The following ANK3 variants were observed in gnomAD, a reference collection of about 807,000 sequenced individuals.
ANK3 encodes the protein ankyrin 3.
ANK3 carries 57 observed loss-of-function variants against 370.9 expected under a neutral mutation model. That is an observed-to-expected ratio of 0.15 (90% CI 0.12 to 0.19). The LOEUF (loss-of-function observed/expected upper bound fraction) is 0.19. Ranked by LOEUF, ANK3 falls within the 10% of genes least tolerant of loss-of-function variation. The pLI is 1.00. For missense variants in ANK3, 4,439 were observed against 5,302.1 expected (o/e 0.84, Z 5.06); for synonymous variants, 1,929 against 1,946.3 (o/e 0.99, Z 0.23).
At chr10:60,281,317 C>A (rs759327483) in intron 1 of ANK3, among the ~76,000 whole-genome samples, 1 of 152,134 alleles carries the variant, frequency 6.6e-6, no homozygotes, top group African/African-American at 2.4e-5. Context: ...TGCTCATTGT[C>A]CAATGTTTAC....
intron 36 of ANK3, among the ~76,000 whole-genome samples, chr10:60,078,162 A>G (rs943500292): frequency 1.3e-5 from 2 of 152,232 alleles, no homozygotes; most frequent in Admixed American, 6.5e-5. Flanking sequence ...GTTCTTCTTC[A>G]TGCTGTGCCC....
intron 15 of ANK3, 64 bp downstream of exon 15, chr10:60,196,463 T>C (rs2096586720): frequency 8.8e-7 from 1 of 1,138,786 alleles, no homozygotes; most frequent in Non-Finnish European, 1.3e-6. Flanking sequence ...TTAGTGAATA[T>C]TAGCAAGGGT....
chr10:60,405,419 C>T (rs927025013), intron 2 of ANK3, among the ~76,000 whole-genome samples: 1 of 151,986 alleles, frequency 6.6e-6, no homozygotes, highest in African/African-American at 2.4e-5. Context: ...GTTCCATTTA[C>T]ATGAAGATCT....
Position 60,300,296 on chromosome 10 carries a change from A to T in ANK3, c.115-20657T>A, listed in dbSNP as rs1490710170. ...AACTTCTATAAGGAAAGTACATTTCATTTAGGAGCTGTAAATGCTTACTTG... is the reference window on the plus strand; with the variant it reads ...AACTTCTATAAGGAAAGTACATTTCTTTTAGGAGCTGTAAATGCTTACTTG... On this transcript the variant is annotated intron_variant, in intron 1 of 43. Transcript: ENST00000280772. The T allele has an allele frequency of 1.1e-5, 13 of 1,218,982 alleles. No individual in the cohort carries two copies. In the South Asian group the frequency reaches 1.6e-4, roughly 15 times the overall value. The allele number at this position is 1,218,982 out of a possible 1,614,324, so 75.5% of individuals were successfully genotyped here.
intron 1 of ANK3, among the ~76,000 whole-genome samples, chr10:60,680,621 C>T (rs534825104): frequency 6.6e-5 from 10 of 152,230 alleles, no homozygotes; most frequent in East Asian, 3.9e-4. Context: ...TTCTCAAATC[C>T]GTGTCTCTGG....
chr10:60,722,636 T>C (rs2079879476), intron 1 of ANK3, among the ~76,000 whole-genome samples: 1 of 152,104 alleles, frequency 6.6e-6, no homozygotes, highest in South Asian at 2.1e-4. Context: ...CCAAATTCCA[T>C]GTTGAAATAT....
chr10:60,186,082 G>C (rs1010930490), intron 17 of ANK3, among the ~76,000 whole-genome samples: 1 of 152,156 alleles, frequency 6.6e-6, no homozygotes, highest in South Asian at 2.1e-4. Context: ...TTGTAACCTA[G>C]AACTTAAAAA....
intron 1 of ANK3, among the ~76,000 whole-genome samples, chr10:60,348,373 C>CA (rs1201676728): frequency 1.0e-5 from 1 of 100,272 alleles, no homozygotes; most frequent in Non-Finnish European, 2.1e-5. Flanking sequence ...AAAAAAAACA[C>CA]AAAAAACAAA....
chr10:60,543,025 T>C (rs2076884714), intron 2 of ANK3, among the ~76,000 whole-genome samples: 1 of 152,020 alleles, frequency 6.6e-6, no homozygotes, highest in South Asian at 2.1e-4. Flanking sequence ...TAAAATGTCA[T>C]ATTTTAAATA....
intron 18 of ANK3, among the ~76,000 whole-genome samples, chr10:60,174,762 G>C (rs1253490066): frequency 2.0e-5 from 3 of 152,128 alleles, no homozygotes; most frequent in African/African-American, 4.8e-5. Context: ...ATTTGAGACA[G>C]GGTCTTGCTC....
At chr10:60,528,434 C>T (rs2076529598) in intron 2 of ANK3, among the ~76,000 whole-genome samples, 2 of 152,020 alleles carry the variant, frequency 1.3e-5, no homozygotes, top group African/African-American at 4.8e-5. Context: ...CCTGGCCCTG[C>T]AATGTTTTTG....
At chr10:60,261,838 T>C in intron 7 of ANK3, 21 bp downstream of exon 7, 1 of 1,606,108 alleles carries the variant, frequency 6.2e-7, no homozygotes, top group Non-Finnish European at 8.5e-7. Flanking sequence ...TTAAAGGTAT[T>C]ACACATTGCT....
chr10:60,610,374 G>A (rs2078184500), intron 2 of ANK3, among the ~76,000 whole-genome samples: 1 of 152,012 alleles, frequency 6.6e-6, no homozygotes, highest in Non-Finnish European at 1.5e-5. Context: ...TTAGCTGGGT[G>A]TAGTGGTGGG....
chr10:60,351,533 T>A (rs1240354555), intron 1 of ANK3, among the ~76,000 whole-genome samples: 1 of 152,196 alleles, frequency 6.6e-6, no homozygotes, highest in African/African-American at 2.4e-5. Flanking sequence ...GTTCCTTATT[T>A]GAAGAAGAAA....
intron 2 of ANK3, among the ~76,000 whole-genome samples, chr10:60,483,032 G>C (rs1441243132): frequency 2.6e-5 from 4 of 152,204 alleles, no homozygotes; most frequent in East Asian, 1.9e-4. Flanking sequence ...GGATATGTCA[G>C]TGCTGAGTTC....
At chr10:60,393,937 A>G (rs1050637279), upstream of ANK3, among the ~76,000 whole-genome samples, 4 of 151,844 alleles carry the variant, frequency 2.6e-5, no homozygotes, top group African/African-American at 7.3e-5. Flanking sequence ...AAAGAAACTA[A>G]AGAGAGAAAT....
At chr10:60,454,350 T>A (rs191218052) in intron 2 of ANK3, among the ~76,000 whole-genome samples, 35 of 152,302 alleles carry the variant, frequency 2.3e-4, no homozygotes, top group Admixed American at 1.8e-3. Flanking sequence ...CAATCTAGGA[T>A]GACACTTTTC....
At chr10:60,409,560 T>G (rs1211517018) in intron 2 of ANK3, among the ~76,000 whole-genome samples, 3 of 152,186 alleles carry the variant, frequency 2.0e-5, no homozygotes, top group Non-Finnish European at 4.4e-5. Context: ...GAAGAGTTCC[T>G]TTTGCAAAAG....
intron 42 of ANK3, chr10:60,043,358 A>AT (rs1435213155): frequency 1.0e-5 from 10 of 984,676 alleles, no homozygotes; most frequent in Non-Finnish European, 1.2e-5. Context: ...CAATTTTGTG[A>AT]TTTGTACTTC....
Sources: gnomAD v4.1 joint callset for allele counts (sites outside exome capture counted in the v4.1 genomes callset) on GRCh38, gnomAD v4.1.1 for gene constraint, MANE v1.5 for transcripts, NCBI Gene and HGNC (gene_info 2026-07-23, HGNC 2026-07-21) for gene names.